SLC28A2: variants seen among roughly 807,000 people sequenced by gnomAD.
The protein encoded by SLC28A2 is sodium/nucleoside cotransporter 2.
SLC28A2 carries 69 observed loss-of-function variants against 72.9 expected under a neutral mutation model. The ratio of observed to expected loss-of-function variants is 0.95; its 90% CI spans 0.78 to 1.16. The LOEUF (loss-of-function observed/expected upper bound fraction) is 1.16, where lower values mean the gene tolerates loss of function less well. Among genes scored for constraint, SLC28A2 ranks in the 50% most tolerant of loss-of-function variants. SLC28A2 has a pLI of 0.00. For synonymous variants in SLC28A2, 296 were observed against 294.1 expected, an observed-to-expected ratio of 1.01 and a Z score of -0.07; for missense variants, 745 against 791.1, an observed-to-expected ratio of 0.94 and a Z score of 0.70.
At chr15:45,264,855 T>A in intron 7 of SLC28A2, 87 bp downstream of exon 7, 1 of 856,678 alleles carries the variant, frequency 1.2e-6, no homozygotes, top group South Asian at 1.4e-5. Context: ...TTAGGCTGTA[T>A]CTTGTTAATG....
rs986318013 is a variant in SLC28A2, at chr15:45,264,947, T to C, written c.703-142T>C. The C allele has an allele frequency of 2.0e-5, 15 of 758,930 alleles. No homozygotes were observed. The Middle Eastern group carries it at 1.0e-3, about 53-fold the overall frequency. The allele number at this position is 758,930 out of a possible 1,614,324, so 47.0% of individuals were successfully genotyped here. ...TATGAATAAAGAGCTCATGGGGACA[T>C]AGCCTGCCCCTGGGCTGTCAAAGGG... On this transcript the variant is annotated intron_variant, in intron 7 of 17. Coordinates refer to ENST00000347644, the MANE Select transcript of SLC28A2 (RefSeq NM_004212.4).
chr15:45,267,410 G>A (rs540367475), intron 10 of SLC28A2, 45 bp from the exon 11 acceptor site: 16 of 1,611,726 alleles, frequency 9.9e-6, no homozygotes, highest in Non-Finnish European at 1.3e-5. Flanking sequence ...CTGGCATGGG[G>A]AGTTACACCT....
intron 12 of SLC28A2, 80 bp downstream of exon 12, chr15:45,267,876 CT>C: frequency 6.7e-7 from 1 of 1,492,178 alleles, no homozygotes; most frequent in East Asian, 2.3e-5. Flanking sequence ...GACTTCAAGT[CT>C]CCCTGAGGGG....
Position 45,267,777 on chromosome 15 carries a change from G to T in SLC28A2, c.1180G>T (p.Gly394Trp), listed in dbSNP as rs368127939. The T allele has an allele frequency of 6.2e-7, 1 of 1,613,950 alleles. No individual in the cohort carries two copies. Among genetic ancestry groups the T allele is most frequent in the Admixed American group, 1.7e-5 (1 of 59,988 alleles). Reference protein sequence around the residue: ...VEESKFKSEEGVKLPRGKERN... With the variant: ...VEESKFKSEEWVKLPRGKERN... Reference sequence around the variant, plus strand: ...GGAGTCCAAGTTCAAGAGTGAGGAGGGGGTAAAGCTGCCCCGTGGGTGAGT... The same window carrying T: ...GGAGTCCAAGTTCAAGAGTGAGGAGTGGGTAAAGCTGCCCCGTGGGTGAGT... The change falls in exon 12 of 18, where the codon GGG (glycine) becomes TGG (tryptophan). Residue 394 changes from glycine to tryptophan, a missense_variant. Coordinates refer to ENST00000347644, the MANE Select transcript of SLC28A2 (RefSeq NM_004212.4).
In SLC28A2 at chr15:45,267,437, T is replaced by C; in HGVS notation, c.943-18T>C. The C allele has an allele frequency of 4.3e-6, 7 of 1,613,938 alleles. No individual in the cohort carries two copies. The highest frequency in any genetic ancestry group is 5.9e-6 in the Non-Finnish European group (7 of 1,179,878). On this transcript the variant is annotated intron_variant, in intron 10 of 17. Coordinates refer to ENST00000347644, the MANE Select transcript of SLC28A2 (RefSeq NM_004212.4). ...GTTACACCTTCTTGGAATCTGACTG[T>C]TTTCTCCGTGTTTGTAGACAGAGGC...
In SLC28A2 at chr15:45,272,364, G is replaced by T; in HGVS notation, c.1718G>T (p.Cys573Phe). The change falls in exon 16 of 18, where the codon TGT (cysteine) becomes TTT (phenylalanine). Residue 573 changes from cysteine to phenylalanine, a missense_variant. Coordinates refer to ENST00000347644, the MANE Select transcript of SLC28A2 (RefSeq NM_004212.4). ...VVVRALFTGA[C>F]VSLISACMAG... The stretch of plus-strand genomic sequence containing the variant: ...GTCAGGGCCCTCTTCACAGGGGCCT[G>T]TGTATCCCTTATCAGTGCCTGTATG... The T allele has an allele frequency of 6.2e-7, 1 of 1,614,018 alleles. No individual in the cohort carries two copies. The highest frequency in any genetic ancestry group is 1.3e-5 in the African/African-American group (1 of 75,034).
intron 17 of SLC28A2, 129 bp from the exon 18 acceptor site, chr15:45,275,267 G>C: frequency 1.5e-6 from 1 of 648,168 alleles, no homozygotes; most frequent in Non-Finnish European, 2.8e-6. Flanking sequence ...GGTTCTATTT[G>C]GTCATGGCTG....
Position 45,274,626 on chromosome 15 carries a change from G to C in SLC28A2, c.1860-770G>C, listed in dbSNP as rs773454870. ...CAAGTGAATGAATGTTGCCCCTCCT[G>C]TGTTTGGAGGTTATCATCAGAGAAG... On this transcript the variant is annotated intron_variant, in intron 17 of 17. Transcript: ENST00000347644. Among the ~76,000 whole-genome samples, 44 of 152,118 alleles carry C rather than the reference G, an allele frequency of 2.9e-4. 2 individuals are homozygous for C. The highest frequency in any genetic ancestry group is 9.9e-4 in the African/African-American group (41 of 41,414).
intron 3 of SLC28A2, among the ~76,000 whole-genome samples, chr15:45,258,674 T>A (rs1022412958): frequency 1.3e-5 from 2 of 152,238 alleles, no homozygotes; most frequent in African/African-American, 4.8e-5. Flanking sequence ...GCATATATTG[T>A]ACTTTGTACA....
Position 45,266,094 on chromosome 15 carries a change from T to C in SLC28A2, c.875T>C (p.Leu292Ser). 1.2e-6 allele frequency: 2 copies of C among 1,613,230 alleles called. No individual in the cohort carries two copies. The highest frequency in any genetic ancestry group is 1.7e-6 in the Non-Finnish European group (2 of 1,179,170). The change falls in exon 10 of 18, where the codon TTA (leucine) becomes TCA (serine). Residue 292 changes from leucine to serine, a missense_variant. By Grantham distance (145) the Leu-to-Ser change is moderately radical. Transcript: ENST00000347644. ...GTATTCTTCTAGGTCGCCTGGTTTT[T>C]ACAAATCACTATGGGCACCACTGCT... ...QWVVQKVAWFLQITMGTTATE... is the reference protein window; with the variant it reads ...QWVVQKVAWFSQITMGTTATE...
At chr15:45,268,887 AATC>A (rs1377284008) in intron 13 of SLC28A2, among the ~76,000 whole-genome samples, 7 of 152,000 alleles carry the variant, frequency 4.6e-5, no homozygotes, top group Non-Finnish European at 8.8e-5. Context: ...TGAAATTGGA[AATC>A]ATCATTCTCA....
At chr15:45,253,743 T>C (rs1764358000) in intron 3 of SLC28A2, 1 of 405,722 alleles carries the variant, frequency 2.5e-6, no homozygotes, top group Non-Finnish European at 4.5e-6. Flanking sequence ...ATAATAACAA[T>C]GGTAATAATG....
chr15:45,267,522 TGACTG>T lies in SLC28A2; in HGVS notation c.1013_1017del (p.Thr338ArgfsTer19). On this transcript the variant is annotated frameshift_variant, in exon 11 of 18. Coordinates refer to ENST00000347644, the MANE Select transcript of SLC28A2 (RefSeq NM_004212.4). LOFTEE classifies it high-confidence loss of function. ...ACACTCTCTGAAATCCATGCGGTGA[TGACTG>T]GAGGGTTTGCCACCATTTCTGGCAC... 3 of 1,614,198 alleles carry T rather than the reference TGACTG, an allele frequency of 1.9e-6. No homozygotes were observed. The highest frequency in any genetic ancestry group is 2.5e-6 in the Non-Finnish European group (3 of 1,180,018).
At position 45,253,435 on chromosome 15, in the gene SLC28A2, AAAG is replaced by A. The variant is rs1366510111; in HGVS notation, c.89_91del (p.Glu30del). On this transcript the variant is annotated inframe_deletion, in exon 3 of 18. Coordinates refer to ENST00000347644, the MANE Select transcript of SLC28A2 (RefSeq NM_004212.4). The stretch of plus-strand genomic sequence containing the variant: ...CCAATGCTCTCTGTGCTTGTAGGAA[AAAG>A]AAGTAGAGCCTGAGGGAAGCAAGAG... 4 of 1,613,308 alleles carry A rather than the reference AAAG, an allele frequency of 2.5e-6. No homozygotes were observed. In the South Asian group the frequency reaches 4.4e-5, roughly 18 times the overall value.
rs144183778 is a variant in SLC28A2 at position 45,268,222 on chromosome 15, T to C, written c.1212T>C (p.Asn404=). 1 of 1,602,748 alleles carries C rather than the reference T, an allele frequency of 6.2e-7. No individual in the cohort carries two copies. The highest frequency in any genetic ancestry group is 1.3e-5 in the African/African-American group (1 of 74,876). ...GVKLPRGKER[N]VLEAASNGAV... is the part of the protein sequence containing the mutation. The stretch of plus-strand genomic sequence containing the variant: ...CCAATAACCACAGGAAGGAGAGGAA[T>C]GTCCTGGAAGCTGCCAGCAACGGAG... Residue 404 remains asparagine, a synonymous_variant, in exon 13 of 18, where the codon AAT becomes AAC. Coordinates refer to ENST00000347644, the MANE Select transcript of SLC28A2 (RefSeq NM_004212.4).
chr15:45,277,356 A>G lies in SLC28A2; in HGVS notation c.*1843A>G, dbSNP rs1900781859. On this transcript the variant is annotated 3_prime_UTR_variant, in exon 18 of 18. Coordinates refer to ENST00000347644, the MANE Select transcript of SLC28A2 (RefSeq NM_004212.4). Reference sequence around the variant, plus strand: ...TACACATTCAAAAGAATCAAAACTAAGTTCTCAAACAAGTACATGTACATG... The same window carrying G: ...TACACATTCAAAAGAATCAAAACTAGGTTCTCAAACAAGTACATGTACATG... 1 of 152,070 alleles carries G rather than the reference A, an allele frequency of 6.6e-6. No homozygotes were observed. The highest frequency in any genetic ancestry group is 1.5e-5 in the Non-Finnish European group (1 of 68,006). The allele number at this position is 152,070 out of a possible 1,614,324, so 9.4% of individuals were successfully genotyped here. A position where few individuals can be genotyped will look rare whatever the true frequency, so the allele number is the denominator to read the frequency against.
intron 14 of SLC28A2, 99 bp downstream of exon 14, chr15:45,269,634 G>C: frequency 9.7e-7 from 1 of 1,029,878 alleles, no homozygotes; most frequent in South Asian, 1.4e-5. Flanking sequence ...CAGACCTGCA[G>C]ATGCCTTTCT....
rs1188142413 is a variant in SLC28A2, at chr15:45,267,528, G to A, written c.1016G>A (p.Gly339Glu). 6.2e-7 allele frequency: 1 copy of A among 1,614,158 alleles called. No individual in the cohort carries two copies. Residue 339 changes from glycine to glutamate, a missense_variant, in exon 11 of 18, where the codon GGA becomes GAA. By Grantham distance (98) the Gly-to-Glu change is moderately conservative (BLOSUM62 -2). Coordinates refer to ENST00000347644, the MANE Select transcript of SLC28A2 (RefSeq NM_004212.4). ...TLSEIHAVMTGGFATISGTVL... is the reference protein window; with the variant it reads ...TLSEIHAVMTEGFATISGTVL... Reference sequence around the variant, plus strand: ...TCTGAAATCCATGCGGTGATGACTGGAGGGTTTGCCACCATTTCTGGCACT... The same window carrying A: ...TCTGAAATCCATGCGGTGATGACTGAAGGGTTTGCCACCATTTCTGGCACT...
At chr15:45,256,424 T>C (rs917776715) in intron 3 of SLC28A2, among the ~76,000 whole-genome samples, 2 of 151,918 alleles carry the variant, frequency 1.3e-5, no homozygotes, top group Non-Finnish European at 1.5e-5. Flanking sequence ...TTTCTTTTCT[T>C]TTTTTTTGGA....
Sources: gnomAD v4.1 joint callset for allele counts (sites outside exome capture counted in the v4.1 genomes callset) on GRCh38, gnomAD v4.1.1 for gene constraint, MANE v1.5 for transcripts, NCBI Gene and HGNC (gene_info 2026-07-23, HGNC 2026-07-21) for gene names.